WDR64: variants seen among roughly 807,000 people sequenced by gnomAD.
The protein encoded by WDR64 is WD repeat-containing protein 64.
WDR64 carries 112 observed loss-of-function variants against 139.3 expected under a neutral mutation model. That is an observed-to-expected ratio of 0.80 (90% CI 0.69 to 0.94). The LOEUF (loss-of-function observed/expected upper bound fraction) is 0.94, where lower values mean the gene tolerates loss of function less well. WDR64 is among the 40% of genes least tolerant of loss of function. The pLI is 0.00. For missense variants in WDR64, 1,206 were observed against 1,293.1 expected (o/e 0.93, Z 1.03); for synonymous variants, 444 against 437.7 (o/e 1.01, Z -0.18).
intron 10 of WDR64, among the ~76,000 whole-genome samples, chr1:241,736,195 G>C (rs76080637): frequency 0.12 from 17,721 of 152,092 alleles, 1,207 homozygotes; most frequent in East Asian, 0.28. Flanking sequence ...GCCTGCTCCA[G>C]ACCAAGCACC....
intron 4 of WDR64, among the ~76,000 whole-genome samples, chr1:241,676,576 T>C (rs1666562545): frequency 6.6e-6 from 1 of 152,166 alleles, no homozygotes; most frequent in Non-Finnish European, 1.5e-5. Context: ...ACATTCAGAA[T>C]GATGTGAAAT....
At chr1:241,729,355 C>T (rs532820437) in intron 10 of WDR64, among the ~76,000 whole-genome samples, 5 of 152,208 alleles carry the variant, frequency 3.3e-5, no homozygotes, top group Non-Finnish European at 7.3e-5. Context: ...ATTGTACTGC[C>T]ATGTTGATCC....
intron 14 of WDR64, 81 bp downstream of exon 14, chr1:241,749,803 G>A: frequency 6.9e-7 from 1 of 1,451,686 alleles, no homozygotes; most frequent in Non-Finnish European, 9.5e-7. Context: ...TCCCCACCAT[G>A]TAACCCCGCT....
chr1:241,690,273 T>C (rs757104496), intron 8 of WDR64, among the ~76,000 whole-genome samples: 6 of 151,770 alleles, frequency 4.0e-5, no homozygotes, highest in East Asian at 3.9e-4. Flanking sequence ...GAGTTAGAGA[T>C]CAGCCTGACC....
intron 5 of WDR64, among the ~76,000 whole-genome samples, 176 bp downstream of exon 5, chr1:241,678,392 A>C (rs764334059): frequency 1.5e-4 from 23 of 152,210 alleles, no homozygotes; most frequent in Non-Finnish European, 2.6e-4. Context: ...AACAGCAAAG[A>C]GGACCCAGGT....
chr1:241,720,332 C>T (rs1668559661), intron 9 of WDR64, among the ~76,000 whole-genome samples: 1 of 152,126 alleles, frequency 6.6e-6, no homozygotes, highest in South Asian at 2.1e-4. Context: ...AATGGGATTG[C>T]TGGGTCAAAT....
intron 15 of WDR64, among the ~76,000 whole-genome samples, chr1:241,762,938 T>A (rs1241823031): frequency 6.6e-6 from 1 of 152,194 alleles, no homozygotes. Flanking sequence ...AAATGATAAG[T>A]AGGTTTTATT....
intron 11 of WDR64, 87 bp downstream of exon 11, chr1:241,738,576 G>A: frequency 7.3e-7 from 1 of 1,377,504 alleles, no homozygotes; most frequent in Non-Finnish European, 9.7e-7. Flanking sequence ...TAACTACAAG[G>A]AAAACAAAAC....
intron 8 of WDR64, among the ~76,000 whole-genome samples, chr1:241,688,046 C>T (rs1449750362): frequency 1.3e-5 from 2 of 152,166 alleles, no homozygotes; most frequent in East Asian, 3.9e-4. Context: ...TATTTTCAAT[C>T]TGGTTAAATA....
rs562564588 is a variant in WDR64, at chr1:241,759,701, T to C, written c.1947+2242T>C. On this transcript the variant is annotated intron_variant, in intron 15 of 27. Coordinates refer to ENST00000437684, the MANE Select transcript of WDR64 (RefSeq NM_001367482.1). ...TATATAGAGATCTTCACCTTTCTTT[T>C]TTTTTAAATTGTGGTAACATACACG... Among the ~76,000 whole-genome samples the C allele has an allele frequency of 2.0e-5, 3 of 152,322 alleles. No individual in the cohort carries two copies. In the South Asian group the frequency reaches 6.2e-4, roughly 32 times the overall value.
intron 8 of WDR64, among the ~76,000 whole-genome samples, chr1:241,688,082 T>C (rs1227204905): frequency 1.3e-5 from 2 of 152,216 alleles, no homozygotes; most frequent in African/African-American, 2.4e-5. Flanking sequence ...AAAACCGATA[T>C]TGTATCTTAA....
intron 10 of WDR64, among the ~76,000 whole-genome samples, chr1:241,726,004 C>T (rs1339688838): frequency 1.3e-5 from 2 of 151,866 alleles, no homozygotes; most frequent in Admixed American, 1.3e-4. Flanking sequence ...TGGGGGCCAC[C>T]GTACGAAGCT....
chr1:241,735,260 A>G (rs1669251681), intron 10 of WDR64, among the ~76,000 whole-genome samples: 1 of 152,170 alleles, frequency 6.6e-6, no homozygotes. Context: ...ATGCTGATGG[A>G]ATCCTGTTGT....
At chr1:241,676,665 T>TG (rs955750502) in intron 4 of WDR64, among the ~76,000 whole-genome samples, 7 of 152,006 alleles carry the variant, frequency 4.6e-5, no homozygotes, top group African/African-American at 1.7e-4. Flanking sequence ...GATGGGCACG[T>TG]GTATACTCAC....
intron 10 of WDR64, among the ~76,000 whole-genome samples, chr1:241,734,947 C>T (rs1373967495): frequency 1.3e-5 from 2 of 152,062 alleles, no homozygotes; most frequent in African/African-American, 4.8e-5. Flanking sequence ...CAGAACATAC[C>T]CCTGTCCTTA....
chr1:241,736,969 C>T (rs181115911), intron 10 of WDR64, among the ~76,000 whole-genome samples: 1 of 152,184 alleles, frequency 6.6e-6, no homozygotes, highest in African/African-American at 2.4e-5. Flanking sequence ...CCACCATGAA[C>T]ATACCTTAGC....
chr1:241,692,804 G>A (rs1006160400), intron 8 of WDR64, among the ~76,000 whole-genome samples: 10 of 152,116 alleles, frequency 6.6e-5, no homozygotes, highest in Non-Finnish European at 1.3e-4. Flanking sequence ...TGGGAAATAA[G>A]CATAAGAAAG....
At chr1:241,732,974 A>G (rs1355425640) in intron 10 of WDR64, among the ~76,000 whole-genome samples, 9 of 152,224 alleles carry the variant, frequency 5.9e-5, no homozygotes, top group African/African-American at 1.9e-4. Flanking sequence ...ACACATGTAT[A>G]TATTTTCAAA....
Position 241,772,896 on chromosome 1 carries a change from C to T in WDR64, c.2395C>T (p.His799Tyr), listed in dbSNP as rs1553380010. The T allele has an allele frequency of 6.4e-7, 1 of 1,551,890 alleles. No individual in the cohort carries two copies. The highest frequency in any genetic ancestry group is 2.0e-5 in the Admixed American group (1 of 51,006). The change falls in exon 20 of 28, where the codon CAT (histidine) becomes TAT (tyrosine). Residue 799 changes from histidine (H) to tyrosine (Y), a missense_variant. Transcript: ENST00000437684. ...CCAGCCACCTATCCTTGTCACTGCT[C>T]ATGAGGATGGACACCTCCGCTTGTG... ...EAQPPILVTA[H>Y]EDGHLRLWTL...
Sources: allele counts gnomAD v4.1 joint callset (sites outside exome capture counted in the v4.1 genomes callset), GRCh38; gene constraint gnomAD v4.1.1; transcripts MANE v1.5; gene names NCBI Gene and HGNC (gene_info 2026-07-23, HGNC 2026-07-21).